The following HCN4 variants were observed in gnomAD, a reference collection of about 807,000 sequenced individuals.
HCN4 encodes hyperpolarization activated cyclic nucleotide gated potassium channel 4.
HCN4 carries 29 observed loss-of-function variants against 76.9 expected under a neutral mutation model. The observed-to-expected ratio is 0.38, with a 90% CI of 0.28 to 0.51. The LOEUF is 0.51. Ranked by LOEUF, HCN4 falls within the 20% of genes least tolerant of loss-of-function variation. The pLI, the probability that HCN4 is intolerant of heterozygous loss-of-function variation, is 0.90. For missense variants in HCN4, 1,416 were observed against 1,715.2 expected (o/e 0.83, Z 3.08); for synonymous variants, 772 against 762.5 (o/e 1.01, Z -0.21).
intron 1 of HCN4, among the ~76,000 whole-genome samples, chr15:73,357,584 G>A (rs988949318): frequency 2.6e-5 from 4 of 152,066 alleles, no homozygotes; most frequent in African/African-American, 4.8e-5. Flanking sequence ...GCCCTTTCCC[G>A]GATGGCATTT....
chr15:73,324,693 C>G (rs898602058), intron 6 of HCN4, among the ~76,000 whole-genome samples: 6 of 152,162 alleles, frequency 3.9e-5, no homozygotes, highest in Non-Finnish European at 1.5e-5. Flanking sequence ...TCACCAGCCC[C>G]AACCATGCTG....
intron 2 of HCN4, chr15:73,335,662 T>TG (rs2042960464): frequency 1.3e-5 from 2 of 152,212 alleles, no homozygotes; most frequent in Non-Finnish European, 2.9e-5. Context: ...GGTCAAGGGG[T>TG]GGGCACAGAG....
rs2043143654 is a variant in HCN4 at position 73,368,821 on chromosome 15, G to A, written c.-551C>T. 1 of 152,146 alleles carries A rather than the reference G, an allele frequency of 6.6e-6. No homozygotes were observed. The allele number at this position is 152,146 out of a possible 1,614,324, so 9.4% of individuals were successfully genotyped here. On this transcript the variant is annotated 5_prime_UTR_variant, in exon 1 of 8. Transcript: ENST00000261917. This position sits in a 1 kb window ranked among gnomAD's most constrained non-coding sequence, Gnocchi z 6.9. ...GTCCCGGGGCTCCCGCCGCAACCGA[G>A]CGGAGCCCAGCGACCCGCCGGGCTT...
intron 1 of HCN4, among the ~76,000 whole-genome samples, chr15:73,361,790 T>A (rs1229310278): frequency 6.6e-6 from 1 of 152,194 alleles, no homozygotes; most frequent in Non-Finnish European, 1.5e-5. Context: ...CAGGGGCGGC[T>A]GCTGGCCATA....
At chr15:73,359,252 C>A (rs555585062) in intron 1 of HCN4, among the ~76,000 whole-genome samples, 2 of 152,172 alleles carry the variant, frequency 1.3e-5, no homozygotes, top group East Asian at 1.9e-4. Context: ...CCAGCCGGCA[C>A]GGCTCGAGGT....
chr15:73,342,031 A>G (rs1202663730), intron 2 of HCN4, among the ~76,000 whole-genome samples: 2 of 151,642 alleles, frequency 1.3e-5, no homozygotes, highest in African/African-American at 4.8e-5. Flanking sequence ...CCCTCCATGG[A>G]AGCTTGTCCC....
chr15:73,342,798 C>G (rs1412169871), intron 2 of HCN4, among the ~76,000 whole-genome samples: 2 of 152,170 alleles, frequency 1.3e-5, no homozygotes, highest in Non-Finnish European at 2.9e-5. Flanking sequence ...TCCAGATTTC[C>G]ATTTCTCATA....
chr15:73,364,437 A>G lies in HCN4; in HGVS notation c.785+3049T>C, dbSNP rs138100700. On this transcript the variant is annotated intron_variant, in intron 1 of 7. Transcript: ENST00000261917. ...AGAAAAACAAGATTAGCCAGTACCTATGTTTTTTGTTGTTGTTGTTGTTCC... is the reference window on the plus strand; with the variant it reads ...AGAAAAACAAGATTAGCCAGTACCTGTGTTTTTTGTTGTTGTTGTTGTTCC... Among the ~76,000 whole-genome samples the G allele has an allele frequency of 1.1e-3, 166 of 152,236 alleles. 1 individual carries two copies. Among genetic ancestry groups the G allele is most frequent in the African/African-American group, 3.8e-3 (159 of 41,548 alleles).
rs1304949652 is a variant in HCN4 at position 73,325,072 on chromosome 15, A to C, written c.1861T>G (p.Tyr621Asp). The change falls in exon 6 of 8, where the codon TAC (tyrosine) becomes GAC (aspartate). Residue 621 changes from tyrosine (Y) to aspartate (D), a missense_variant. Tyr to Asp is a radical substitution (Grantham distance 160). Transcript: ENST00000261917. The surrounding 1 kb of genome is among the most constrained non-coding windows in gnomAD (Gnocchi z 7.4). ...LRFEVFQPGD[Y>D]IIREGTIGKK... ...CCAATGGTGCCTTCCCGGATGATGT[A>C]GTCCCCAGGCTGGAAGACCTCGAAA... 6.2e-7 allele frequency: 1 copy of C among 1,614,234 alleles called. No individual in the cohort carries two copies. Among genetic ancestry groups the C allele is most frequent in the South Asian group, 1.1e-5 (1 of 91,088 alleles).
intron 2 of HCN4, among the ~76,000 whole-genome samples, chr15:73,335,830 C>T (rs910260801): frequency 5.3e-5 from 8 of 152,152 alleles, no homozygotes; most frequent in East Asian, 1.9e-4. Context: ...AGGAGCCTTC[C>T]GGAGTGGGGG....
At position 73,322,739 on chromosome 15, in the gene HCN4, G is replaced by A. The variant is rs867816182; in HGVS notation, c.3354C>T (p.Leu1118=). 1.2e-5 allele frequency: 19 copies of A among 1,562,822 alleles called. No homozygotes were observed. The Middle Eastern group carries it at 1.3e-3, about 110-fold the overall frequency. Residue 1118 remains leucine, a synonymous_variant, in exon 8 of 8, where the codon CTC becomes CTT. Coordinates refer to ENST00000261917, the MANE Select transcript of HCN4 (RefSeq NM_005477.3). ...SSGESMAAFP[L]FPRAGGGSGG... ...CGCTGCCACCCCCAGCCCTGGGGAAGAGCGGGAAGGCAGCCATGGACTCCC... is the reference window on the plus strand; with the variant it reads ...CGCTGCCACCCCCAGCCCTGGGGAAAAGCGGGAAGGCAGCCATGGACTCCC...
At chr15:73,356,038 G>C (rs973955820) in intron 1 of HCN4, among the ~76,000 whole-genome samples, 4 of 152,200 alleles carry the variant, frequency 2.6e-5, no homozygotes, top group African/African-American at 9.6e-5. Context: ...CATTGTTGTG[G>C]AGTAGCACGG....
At chr15:73,350,900 AAGG>A (rs1245455562) in intron 1 of HCN4, among the ~76,000 whole-genome samples, 2 of 152,068 alleles carry the variant, frequency 1.3e-5, no homozygotes, top group East Asian at 3.9e-4. Flanking sequence ...AAGCTCCTTG[AAGG>A]AGGTGTCACC....
chr15:73,359,669 A>ACCCCAAT (rs748870915), intron 1 of HCN4, among the ~76,000 whole-genome samples: 10 of 151,870 alleles, frequency 6.6e-5, no homozygotes, highest in Non-Finnish European at 1.2e-4. Flanking sequence ...CACGGACTGA[A>ACCCCAAT]CCCCAATCCT....
At position 73,368,106 on chromosome 15, in the gene HCN4, C is replaced by A. The variant is rs1267051165; in HGVS notation, c.165G>T (p.Ser55=). 6 of 1,501,246 alleles carry A rather than the reference C, an allele frequency of 4.0e-6. No homozygotes were observed. In the African/African-American group the frequency reaches 4.4e-5, roughly 11 times the overall value. 93.0% of individuals were successfully genotyped at this position (1,501,246 alleles called of 1,614,324 possible). Residue 55 remains serine, a synonymous_variant, in exon 1 of 8, where the codon TCG becomes TCT. Transcript: ENST00000261917. The surrounding 1 kb of genome is among the most constrained non-coding windows in gnomAD (Gnocchi z 6.9). The part of the protein sequence containing the change: ...RRSIRLRPLP[S]PSPSAAAGGT... ...CACCCGCGGCCGCCGAGGGGGAGGG[C>A]GAGGGCAGTGGCCGCAGCCGGATGC...
intron 1 of HCN4, among the ~76,000 whole-genome samples, chr15:73,348,297 C>T (rs904144383): frequency 1.3e-5 from 2 of 152,186 alleles, no homozygotes; most frequent in African/African-American, 4.8e-5. Flanking sequence ...GGATGACCTC[C>T]TTCAGCCTCT....
chr15:73,325,836 C>G lies in HCN4; in HGVS notation c.1591-392G>C, dbSNP rs2042895670. ...CTCACCGACTCTGCGGGGAAAGAAG[C>G]TGTTTCCTCCCAGCAGTGACAACTG... On this transcript the variant is annotated intron_variant, in intron 4 of 7. Coordinates refer to ENST00000261917, the MANE Select transcript of HCN4 (RefSeq NM_005477.3). The surrounding 1 kb of genome is among the most constrained non-coding windows in gnomAD (Gnocchi z 7.4). Among the ~76,000 whole-genome samples the G allele has an allele frequency of 6.6e-6, 1 of 152,156 alleles. No homozygotes were observed. Among genetic ancestry groups the G allele is most frequent in the Non-Finnish European group, 1.5e-5 (1 of 68,038 alleles).
At chr15:73,361,572 G>A (rs996727059) in intron 1 of HCN4, among the ~76,000 whole-genome samples, 1 of 152,190 alleles carries the variant, frequency 6.6e-6, no homozygotes, top group Non-Finnish European at 1.5e-5. Flanking sequence ...TGCAGGAGCC[G>A]GCTGCCTCCT....
chr15:73,354,323 A>G, intron 1 of HCN4, among the ~76,000 whole-genome samples: 1 of 152,258 alleles, frequency 6.6e-6, no homozygotes, highest in East Asian at 1.9e-4. Flanking sequence ...GCCTCTCCCC[A>G]AGAAGGTGAG....
Sources: gnomAD v4.1 joint callset for allele counts (sites outside exome capture counted in the v4.1 genomes callset) on GRCh38, gnomAD v4.1.1 for gene constraint, Gnocchi (gnomAD v3.1) non-coding constraint, MANE v1.5 for transcripts, NCBI Gene and HGNC (gene_info 2026-07-23, HGNC 2026-07-21) for gene names.